The following EIF4G3 variants were observed in gnomAD, a reference collection of about 807,000 sequenced individuals.
EIF4G3 encodes the protein eukaryotic translation initiation factor 4 gamma 3.
Under a neutral mutation model 186.4 loss-of-function variants are expected in EIF4G3, and 34 were observed. The ratio of observed to expected loss-of-function variants is 0.18; its 90% CI spans 0.14 to 0.24. The LOEUF is 0.24. EIF4G3 is among the 10% of genes least tolerant of loss of function. The pLI is 1.00. For synonymous variants in EIF4G3, 673 were observed against 679.5 expected (o/e 0.99, Z 0.15); for missense variants, 1,536 against 1,948.5 (o/e 0.79, Z 3.99).
At chr1:21,165,137 T>C (rs1470145556) in intron 2 of EIF4G3, among the ~76,000 whole-genome samples, 1 of 152,180 alleles carries the variant, frequency 6.6e-6, no homozygotes, top group Non-Finnish European at 1.5e-5. Context: ...GATACCACTT[T>C]ACACCCAATA....
At chr1:21,071,242 A>G (rs1054652837) in intron 3 of EIF4G3, among the ~76,000 whole-genome samples, 6 of 152,188 alleles carry the variant, frequency 3.9e-5, no homozygotes, top group African/African-American at 1.4e-4. Flanking sequence ...CTGTCACTAC[A>G]GAAAATGAAA....
intron 29 of EIF4G3, among the ~76,000 whole-genome samples, chr1:20,845,894 C>T (rs1043053646): frequency 1.3e-5 from 2 of 151,992 alleles, no homozygotes; most frequent in African/African-American, 4.8e-5. Context: ...TGCTTTGGGT[C>T]GCATAGCCAT....
chr1:20,836,579 G>A lies in EIF4G3; in HGVS notation c.4061+4277C>T, dbSNP rs374095932. Among the ~76,000 whole-genome samples the A allele has an allele frequency of 1.4e-3, 212 of 152,250 alleles. 4 individuals carry two copies. In the South Asian group the frequency reaches 0.03, roughly 21 times the overall value. ...GGTCTTTTACCAATGTAGAATTGCCGTAAGCAGTAATAAAGGTTCCAGAAA... is the reference window on the plus strand; with the variant it reads ...GGTCTTTTACCAATGTAGAATTGCCATAAGCAGTAATAAAGGTTCCAGAAA... On this transcript the variant is annotated intron_variant, in intron 30 of 36. Transcript: ENST00000602326.
intron 7 of EIF4G3, among the ~76,000 whole-genome samples, 162 bp downstream of exon 7, chr1:20,997,439 A>G (rs565841826): frequency 8.5e-5 from 13 of 152,314 alleles, no homozygotes; most frequent in African/African-American, 3.1e-4. Flanking sequence ...ATGCAGTGAG[A>G]TTAATGAAGG....
intron 7 of EIF4G3, among the ~76,000 whole-genome samples, chr1:20,983,180 C>T (rs2078674424): frequency 6.6e-6 from 1 of 152,024 alleles, no homozygotes; most frequent in Non-Finnish European, 1.5e-5. Flanking sequence ...AGCCTTCCTA[C>T]CCCATGGCAA....
intron 11 of EIF4G3, among the ~76,000 whole-genome samples, chr1:20,971,289 A>G (rs2075842034): frequency 6.6e-6 from 1 of 152,230 alleles, no homozygotes; most frequent in Admixed American, 6.5e-5. Flanking sequence ...GGACGCTTTT[A>G]GGGGAGTCCT....
intron 14 of EIF4G3, among the ~76,000 whole-genome samples, chr1:20,913,678 CCT>C (rs1558208413): frequency 1.3e-5 from 2 of 151,624 alleles, no homozygotes; most frequent in Admixed American, 6.6e-5. Context: ...AAATTTTTTC[CCT>C]GTTTTCTTGT....
Position 21,026,933 on chromosome 1 carries a change from T to C in EIF4G3, c.-67+23933A>G, listed in dbSNP as rs367572182. On this transcript the variant is annotated intron_variant, in intron 4 of 36. Coordinates refer to ENST00000602326, the MANE Select transcript of EIF4G3 (RefSeq NM_001391906.1). ...GCCTGCGTGACAGAGGGAGACACTG[T>C]CTCAAAAAAAAAAAAAAAAAAAGTT... Among the ~76,000 whole-genome samples the C allele has an allele frequency of 8.3e-5, 9 of 108,576 alleles. No homozygotes were observed. In the East Asian group the frequency reaches 2.5e-3, roughly 30 times the overall value. The allele number at this position is 108,576 out of a possible 152,430, so 71.2% of individuals were successfully genotyped here. A position where few individuals can be genotyped will look rare whatever the true frequency, so the allele number is the denominator to read the frequency against.
At chr1:20,901,204 A>C (rs1239582865) in intron 15 of EIF4G3, among the ~76,000 whole-genome samples, 1 of 152,198 alleles carries the variant, frequency 6.6e-6, no homozygotes, top group African/African-American at 2.4e-5. Context: ...GTTTGGAAAC[A>C]ATTTATTTTA....
chr1:20,868,460 A>G (rs2078199042), intron 20 of EIF4G3, among the ~76,000 whole-genome samples: 2 of 151,992 alleles, frequency 1.3e-5, no homozygotes, highest in South Asian at 4.2e-4. Flanking sequence ...CACTAATCCC[A>G]TTGTGTGGGC....
intron 4 of EIF4G3, among the ~76,000 whole-genome samples, chr1:21,009,724 G>A (rs997261074): frequency 1.3e-5 from 2 of 151,296 alleles, no homozygotes; most frequent in Non-Finnish European, 2.9e-5. Flanking sequence ...GCACGATCTC[G>A]GCTCACTGCA....
intron 16 of EIF4G3, among the ~76,000 whole-genome samples, chr1:20,897,731 T>C (rs2088792558): frequency 6.6e-6 from 1 of 152,072 alleles, no homozygotes; most frequent in Non-Finnish European, 1.5e-5. Context: ...AGACAGCTTA[T>C]TGGGATCTAA....
chr1:20,882,070 G>C (rs1208334540), intron 19 of EIF4G3, among the ~76,000 whole-genome samples: 1 of 151,922 alleles, frequency 6.6e-6, no homozygotes, highest in South Asian at 2.1e-4. Flanking sequence ...GGCTGAGGCA[G>C]GAAGATCGCT....
intron 7 of EIF4G3, among the ~76,000 whole-genome samples, chr1:20,997,280 A>C (rs1439482421): frequency 6.6e-6 from 1 of 152,112 alleles, no homozygotes; most frequent in Non-Finnish European, 1.5e-5. Context: ...AATTTAACTT[A>C]CTACAAATAT....
chr1:21,054,510 C>T (rs527849433), intron 3 of EIF4G3, among the ~76,000 whole-genome samples: 1 of 151,832 alleles, frequency 6.6e-6, no homozygotes, highest in South Asian at 2.1e-4. Context: ...AAACAAATTC[C>T]TGACATAGTA....
chr1:20,978,698 C>T (rs1428525727), intron 10 of EIF4G3, among the ~76,000 whole-genome samples: 1 of 146,288 alleles, frequency 6.8e-6, no homozygotes, highest in Non-Finnish European at 1.5e-5. Flanking sequence ...AAAAAAAAAC[C>T]CATGGTATGT....
intron 3 of EIF4G3, among the ~76,000 whole-genome samples, chr1:21,063,587 C>A (rs1299894765): frequency 4.6e-5 from 7 of 151,142 alleles, no homozygotes; most frequent in Non-Finnish European, 1.0e-4. Context: ...CGGTGGTGCA[C>A]TAATAACTTT....
chr1:21,009,456 T>C (rs772271328), intron 4 of EIF4G3, among the ~76,000 whole-genome samples: 7 of 151,182 alleles, frequency 4.6e-5, no homozygotes, highest in Non-Finnish European at 8.9e-5. Context: ...GTTGGGATTA[T>C]AGGGGTGAGC....
Position 20,806,504 on chromosome 1 carries a change from A to C in EIF4G3, c.*815T>G, listed in dbSNP as rs1398753149. The C allele has an allele frequency of 1.3e-5, 2 of 152,538 alleles. No individual in the cohort carries two copies. The highest frequency in any genetic ancestry group is 4.8e-5 in the African/African-American group (2 of 41,424). The allele number at this position is 152,538 out of a possible 1,614,324, so 9.4% of individuals were successfully genotyped here. ...TTTTAAACTTGCAATGTTTGTCTTT[A>C]TTTTGTTCTTTATATTTTCAAAGTG... On this transcript the variant is annotated 3_prime_UTR_variant, in exon 37 of 37. Transcript: ENST00000602326.
Sources: gnomAD v4.1 joint callset for allele counts (sites outside exome capture counted in the v4.1 genomes callset) on GRCh38, gnomAD v4.1.1 for gene constraint, MANE v1.5 for transcripts, NCBI Gene and HGNC (gene_info 2026-07-23, HGNC 2026-07-21) for gene names.